Variants in ZUP1 observed in about 807,000 individuals in gnomAD.
ZUP1 encodes the protein zinc finger containing ubiquitin peptidase 1.
A neutral mutation model predicts 68.1 loss-of-function variants in ZUP1; 55 were observed. That is an observed-to-expected ratio of 0.81 (90% CI 0.65 to 1.01). The LOEUF (loss-of-function observed/expected upper bound fraction) is 1.01. ZUP1 is among the 50% of genes least tolerant of loss of function. ZUP1 has a pLI of 0.00. For synonymous variants in ZUP1, 223 were observed against 221.5 expected (o/e 1.01, Z -0.06); for missense variants, 684 against 674.9 (o/e 1.01, Z -0.15).
chr6:116,642,295 C>T lies in ZUP1; in HGVS notation c.1689+3419G>A, dbSNP rs992247535. Among the ~76,000 whole-genome samples the T allele has an allele frequency of 5.7e-4, 86 of 152,116 alleles. 1 individual carries two copies. Among genetic ancestry groups the T allele is most frequent in the Admixed American group, 3.3e-4 (5 of 15,260 alleles). ...GGTAACATTCCTTCTGAAACTATTCCGATCAATAGAAAAAGAGGGAATCCT... is the reference window on the plus strand; with the variant it reads ...GGTAACATTCCTTCTGAAACTATTCTGATCAATAGAAAAAGAGGGAATCCT... On this transcript the variant is annotated intron_variant, in intron 9 of 9. Coordinates refer to ENST00000368576, the MANE Select transcript of ZUP1 (RefSeq NM_145062.3).
At chr6:116,654,816 A>G (rs1030882882) in intron 5 of ZUP1, among the ~76,000 whole-genome samples, 2 of 152,088 alleles carry the variant, frequency 1.3e-5, no homozygotes, top group African/African-American at 4.8e-5. Flanking sequence ...AGAAAATGCA[A>G]ATTAAAACAT....
chr6:116,648,294 T>C (rs1195161098), intron 7 of ZUP1, among the ~76,000 whole-genome samples: 2 of 152,220 alleles, frequency 1.3e-5, no homozygotes, highest in Non-Finnish European at 1.5e-5. Context: ...AGGTCGGGTA[T>C]AACTAAAAGC....
intron 9 of ZUP1, among the ~76,000 whole-genome samples, chr6:116,642,916 A>G (rs1204646926): frequency 1.3e-5 from 2 of 152,236 alleles, no homozygotes; most frequent in African/African-American, 4.8e-5. Flanking sequence ...TGCAGATGAC[A>G]TGATTGTACA....
intron 9 of ZUP1, among the ~76,000 whole-genome samples, chr6:116,639,438 C>T: frequency 6.6e-6 from 1 of 152,228 alleles, no homozygotes; most frequent in Non-Finnish European, 1.5e-5. Flanking sequence ...GGAGGCATCC[C>T]CCAGTAGGGG....
intron 3 of ZUP1, 134 bp downstream of exon 3, chr6:116,660,602 T>G: frequency 1.8e-6 from 1 of 567,362 alleles, no homozygotes; most frequent in Non-Finnish European, 3.0e-6. Context: ...TGGCCTCAAC[T>G]TGTAAATAAA....
At chr6:116,651,247 T>C (rs1397762884) in intron 7 of ZUP1, among the ~76,000 whole-genome samples, 1 of 152,174 alleles carries the variant, frequency 6.6e-6, no homozygotes, top group Non-Finnish European at 1.5e-5. Flanking sequence ...CTGATTTTAA[T>C]AAAAACCAAG....
At chr6:116,644,993 G>A (rs1019123814) in intron 9 of ZUP1, among the ~76,000 whole-genome samples, 23 of 152,098 alleles carry the variant, frequency 1.5e-4, no homozygotes, top group African/African-American at 5.5e-4. Flanking sequence ...ACTCCTACAA[G>A]GCTAAATTGT....
intron 2 of ZUP1, among the ~76,000 whole-genome samples, chr6:116,664,879 GACACACACACACAC>G (rs144584776): frequency 6.8e-6 from 1 of 147,132 alleles, no homozygotes; most frequent in Non-Finnish European, 1.5e-5. Flanking sequence ...CACAAGTACA[GACACACACACACAC>G]ACACACACAC....
In ZUP1 at chr6:116,639,118, G is replaced by A. The variant is rs987737158; in HGVS notation, c.1690-3239C>T. Among the ~76,000 whole-genome samples, 18 of 152,230 alleles carry A rather than the reference G, an allele frequency of 1.2e-4. No homozygotes were observed. In the South Asian group the frequency reaches 1.2e-3, roughly 11 times the overall value. On this transcript the variant is annotated intron_variant, in intron 9 of 9. Transcript: ENST00000368576. ...GCAGTCTGAGATCAAACTGCAAGGC[G>A]GCAGCAAGGCTGCGGGAGGGGTGCC...
At chr6:116,644,501 A>T (rs1776224847) in intron 9 of ZUP1, among the ~76,000 whole-genome samples, 1 of 152,210 alleles carries the variant, frequency 6.6e-6, no homozygotes, top group Non-Finnish European at 1.5e-5. Context: ...ATGGAATACT[A>T]TGCAGCCATA....
At chr6:116,658,781 T>C (rs761001564) in intron 4 of ZUP1, 22 bp downstream of exon 4, 1 of 1,535,718 alleles carries the variant, frequency 6.5e-7, no homozygotes, top group Non-Finnish European at 8.9e-7. Context: ...CAAAATATTA[T>C]AATTGTTATT....
chr6:116,638,067 A>AG (rs1775957656), intron 9 of ZUP1, among the ~76,000 whole-genome samples: 1 of 51,442 alleles, frequency 1.9e-5, no homozygotes, highest in Non-Finnish European at 3.4e-5. Flanking sequence ...GTCGGTCTCC[A>AG]AAAAAAAAAA....
intron 9 of ZUP1, 29 bp downstream of exon 9, chr6:116,645,685 A>T (rs748861487): frequency 1.3e-6 from 2 of 1,500,042 alleles, no homozygotes; most frequent in South Asian, 2.5e-5. Flanking sequence ...TCTCATTCAA[A>T]CTTCACATAT....
At position 116,666,916 on chromosome 6, in the gene ZUP1, A is replaced by G; in HGVS notation, c.277T>C (p.Ser93Pro). Residue 93 changes from serine (S) to proline (P), a missense_variant, in exon 2 of 10, where the codon TCA becomes CCA. Transcript: ENST00000368576. ...CGMEVNSSIL[S>P]GCASNHPKNS... ...TTTGGATGATTAGATGCACAACCTG[A>G]AAGAATACTTGAATTAACTTCCATT... The G allele has an allele frequency of 6.2e-7, 1 of 1,612,900 alleles. No homozygotes were observed. The highest frequency in any genetic ancestry group is 8.5e-7 in the Non-Finnish European group (1 of 1,179,680).
intron 7 of ZUP1, among the ~76,000 whole-genome samples, chr6:116,648,172 C>T (rs1389087863): frequency 1.3e-5 from 2 of 152,126 alleles, no homozygotes; most frequent in South Asian, 2.1e-4. Context: ...ACATCTATCT[C>T]CTATTTGCCA....
At chr6:116,647,327 C>G in intron 8 of ZUP1, 132 bp downstream of exon 8, 1 of 763,484 alleles carries the variant, frequency 1.3e-6, no homozygotes, top group Middle Eastern at 4.3e-4. Flanking sequence ...CCACTGCACT[C>G]CAGCCTGAGC....
intron 5 of ZUP1, among the ~76,000 whole-genome samples, chr6:116,653,060 T>C (rs1180265817): frequency 6.6e-6 from 1 of 152,076 alleles, no homozygotes; most frequent in Non-Finnish European, 1.5e-5. Flanking sequence ...AAGATAAATA[T>C]GATAATATCC....
chr6:116,644,989 A>G (rs1382535994), intron 9 of ZUP1, among the ~76,000 whole-genome samples: 2 of 152,244 alleles, frequency 1.3e-5, no homozygotes, highest in Middle Eastern at 3.4e-3. Flanking sequence ...AGACACTCCT[A>G]CAAGGCTAAA....
At chr6:116,637,063 T>C (rs1775929836) in intron 9 of ZUP1, among the ~76,000 whole-genome samples, 2 of 152,172 alleles carry the variant, frequency 1.3e-5, no homozygotes, top group African/African-American at 2.4e-5. Flanking sequence ...AGATTAAATT[T>C]TTTTCATTTT....
Sources: gnomAD v4.1 joint callset for allele counts (sites outside exome capture counted in the v4.1 genomes callset) on GRCh38, gnomAD v4.1.1 for gene constraint, MANE v1.5 for transcripts, NCBI Gene and HGNC (gene_info 2026-07-23, HGNC 2026-07-21) for gene names.